GSTCD: variants seen among roughly 807,000 people sequenced by gnomAD.
GSTCD encodes glutathione S-transferase C-terminal domain containing, also known as glutathione S-transferase C-terminal domain-containing protein.
Under a neutral mutation model 68.3 loss-of-function variants are expected in GSTCD, and 44 were observed. The observed-to-expected ratio is 0.64, with a 90% CI of 0.51 to 0.83. GSTCD has a LOEUF of 0.83. Ranked by LOEUF, GSTCD falls within the 40% of genes least tolerant of loss-of-function variation. The pLI, the probability that GSTCD is intolerant of heterozygous loss-of-function variation, is 0.00. For missense variants in GSTCD, 739 were observed against 735.9 expected, an observed-to-expected ratio of 1.00 and a Z score of -0.05; for synonymous variants, 273 against 255.2, an observed-to-expected ratio of 1.07 and a Z score of -0.67.
At chr4:105,748,350 A>G (rs1308244718) in intron 5 of GSTCD, among the ~76,000 whole-genome samples, 1 of 152,088 alleles carries the variant, frequency 6.6e-6, no homozygotes, top group East Asian at 1.9e-4. Flanking sequence ...ACTTTCTGGG[A>G]AAAATTTTTC....
intron 5 of GSTCD, among the ~76,000 whole-genome samples, chr4:105,762,795 T>C (rs1424099603): frequency 6.6e-6 from 1 of 152,136 alleles, no homozygotes; most frequent in African/African-American, 2.4e-5. Flanking sequence ...GTATAATATC[T>C]TTTGGGGGAT....
chr4:105,771,735 G>A (rs1734857176), intron 5 of GSTCD, among the ~76,000 whole-genome samples: 1 of 152,124 alleles, frequency 6.6e-6, no homozygotes, highest in Non-Finnish European at 1.5e-5. Flanking sequence ...CTATATATCT[G>A]TTTTGGTACC....
At chr4:105,731,626 G>T (rs1578416999) in intron 5 of GSTCD, among the ~76,000 whole-genome samples, 1 of 152,182 alleles carries the variant, frequency 6.6e-6, no homozygotes, top group East Asian at 1.9e-4. Context: ...AGAGATTTTG[G>T]CCAGAGACAA....
At chr4:105,749,390 T>C (rs942443831) in intron 5 of GSTCD, among the ~76,000 whole-genome samples, 60 of 151,728 alleles carry the variant, frequency 4.0e-4, no homozygotes, top group Non-Finnish European at 7.5e-4. Context: ...AAATTTTATA[T>C]GGAAAAAAAA....
chr4:105,748,698 G>A (rs896945585), intron 5 of GSTCD, among the ~76,000 whole-genome samples: 1 of 151,982 alleles, frequency 6.6e-6, no homozygotes, highest in Non-Finnish European at 1.5e-5. Flanking sequence ...GTGTATATCA[G>A]TATAGAAATT....
At chr4:105,768,424 A>AT (rs1560819841) in intron 5 of GSTCD, among the ~76,000 whole-genome samples, 1 of 152,116 alleles carries the variant, frequency 6.6e-6, no homozygotes, top group African/African-American at 2.4e-5. Flanking sequence ...TTAGCAGTCT[A>AT]TAGGTTTAAA....
At chr4:105,792,937 A>G (rs921190464) in intron 5 of GSTCD, among the ~76,000 whole-genome samples, 2 of 152,118 alleles carry the variant, frequency 1.3e-5, no homozygotes, top group Non-Finnish European at 2.9e-5. Flanking sequence ...CTTATTTTTA[A>G]TGAACAAGGA....
intron 5 of GSTCD, among the ~76,000 whole-genome samples, chr4:105,810,133 A>G (rs1722695377): frequency 6.6e-6 from 1 of 152,104 alleles, no homozygotes; most frequent in African/African-American, 2.4e-5. Context: ...TTGGCTAATG[A>G]AGGGAGAAAG....
At chr4:105,797,322 T>TAC (rs1475173931) in intron 5 of GSTCD, among the ~76,000 whole-genome samples, 1 of 152,078 alleles carries the variant, frequency 6.6e-6, no homozygotes, top group Non-Finnish European at 1.5e-5. Context: ...TATACCAGCA[T>TAC]ACCTTGGCGA....
intron 8 of GSTCD, among the ~76,000 whole-genome samples, chr4:105,831,630 C>T (rs1024395991): frequency 1.3e-5 from 2 of 152,144 alleles, no homozygotes; most frequent in African/African-American, 2.4e-5. Context: ...TTTACTCTCA[C>T]TTTATTGGGC....
At chr4:105,734,582 A>G (rs1034120524) in intron 5 of GSTCD, among the ~76,000 whole-genome samples, 11 of 152,164 alleles carry the variant, frequency 7.2e-5, no homozygotes, top group Admixed American at 2.0e-4. Context: ...CTAGTTAGCC[A>G]TTCGTCTAAT....
intron 5 of GSTCD, among the ~76,000 whole-genome samples, chr4:105,797,848 C>G (rs1365996460): frequency 6.8e-6 from 1 of 147,336 alleles, no homozygotes; most frequent in African/African-American, 2.5e-5. Context: ...GATCTTGGCT[C>G]ACTGCAACCT....
chr4:105,782,146 T>A (rs887480006), intron 5 of GSTCD, among the ~76,000 whole-genome samples: 3 of 151,868 alleles, frequency 2.0e-5, no homozygotes, highest in Non-Finnish European at 2.9e-5. Context: ...AGCAGGGTAG[T>A]TGGGAGAAAA....
intron 2 of GSTCD, among the ~76,000 whole-genome samples, chr4:105,718,834 T>G (rs1454610804): frequency 1.3e-5 from 2 of 152,126 alleles, no homozygotes; most frequent in African/African-American, 4.8e-5. Context: ...GTAAAGGCTT[T>G]GGGAAGTAAT....
intron 5 of GSTCD, among the ~76,000 whole-genome samples, chr4:105,757,589 T>TG (rs141702636): frequency 0.014 from 2,065 of 152,316 alleles, 32 homozygotes; most frequent in African/African-American, 0.035. Flanking sequence ...TTTTGCATTC[T>TG]GGGGTCTCTT....
intron 5 of GSTCD, among the ~76,000 whole-genome samples, chr4:105,738,105 G>A (rs1218899274): frequency 6.6e-6 from 1 of 152,150 alleles, no homozygotes; most frequent in Non-Finnish European, 1.5e-5. Context: ...TATGCTTCTT[G>A]TACAGCCTGC....
chr4:105,809,811 TC>T (rs1488775705), intron 5 of GSTCD, among the ~76,000 whole-genome samples: 1 of 151,992 alleles, frequency 6.6e-6, no homozygotes, highest in Non-Finnish European at 1.5e-5. Flanking sequence ...TCTTTTTTCC[TC>T]CTAAGACATT....
At chr4:105,802,110 A>G (rs1346557548) in intron 5 of GSTCD, among the ~76,000 whole-genome samples, 5 of 152,148 alleles carry the variant, frequency 3.3e-5, no homozygotes, top group African/African-American at 1.2e-4. Context: ...TGAGGATGAA[A>G]TGGGATAGTA....
At chr4:105,719,942 TAA>T (rs576561430) in intron 3 of GSTCD, among the ~76,000 whole-genome samples, 1 of 143,984 alleles carries the variant, frequency 6.9e-6, no homozygotes, top group Admixed American at 7.0e-5. Context: ...AGGGTGCAGT[TAA>T]AAAAAAAAAA....
Sources: gnomAD v4.1 joint callset for allele counts (sites outside exome capture counted in the v4.1 genomes callset) on GRCh38, gnomAD v4.1.1 for gene constraint, MANE v1.5 for transcripts, NCBI Gene and HGNC (gene_info 2026-07-23, HGNC 2026-07-21) for gene names.